Variants in HHAT observed in about 807,000 individuals in gnomAD.
HHAT encodes the protein hedgehog acyltransferase, also known as protein-cysteine N-palmitoyltransferase HHAT.
HHAT carries 47 observed loss-of-function variants against 70.8 expected under a neutral mutation model. That is an observed-to-expected ratio of 0.66 (90% confidence interval 0.53 to 0.85). The LOEUF (loss-of-function observed/expected upper bound fraction) is 0.85, where lower values mean the gene tolerates loss of function less well. HHAT is among the 40% of genes least tolerant of loss of function. The probability of loss-of-function intolerance (pLI) is 0.00; values close to 1 mark genes in which losing one functional copy is unlikely to be tolerated. For synonymous variants in HHAT, 228 were observed against 247.6 expected, an observed-to-expected ratio of 0.92 and a Z score of 0.74; for missense variants, 609 against 604.8, an observed-to-expected ratio of 1.01 and a Z score of -0.07.
chr1:210,554,342 T>G, intron 9 of HHAT, among the ~76,000 whole-genome samples: 1 of 152,192 alleles, frequency 6.6e-6, no homozygotes, highest in East Asian at 1.9e-4. Flanking sequence ...AACCTCAGTT[T>G]GCTGCTTTGT....
intron 11 of HHAT, among the ~76,000 whole-genome samples, chr1:210,643,021 G>C (rs1255578048): frequency 6.6e-6 from 1 of 151,956 alleles, no homozygotes; most frequent in African/African-American, 2.4e-5. Flanking sequence ...TATTAATTTT[G>C]TGTATAATGT....
At chr1:210,570,438 A>G (rs1655973563) in intron 9 of HHAT, among the ~76,000 whole-genome samples, 1 of 152,140 alleles carries the variant, frequency 6.6e-6, no homozygotes, top group Admixed American at 6.5e-5. Context: ...GACAATGTAC[A>G]GTGTAGCCCC....
chr1:210,329,481 A>G (rs139695529), intron 1 of HHAT: 3 of 1,023,792 alleles, frequency 2.9e-6, no homozygotes, highest in Non-Finnish European at 1.2e-6. Context: ...CAGGGACTCT[A>G]AAGTTAGAGA....
intron 7 of HHAT, among the ~76,000 whole-genome samples, chr1:210,458,084 A>G (rs527288645): frequency 6.6e-6 from 1 of 152,326 alleles, no homozygotes; most frequent in African/African-American, 2.4e-5. Flanking sequence ...TATGTAGAGA[A>G]GGTACTTTTG....
At chr1:210,489,768 C>G (rs576687027) in intron 8 of HHAT, among the ~76,000 whole-genome samples, 21 of 152,188 alleles carry the variant, frequency 1.4e-4, no homozygotes, top group Non-Finnish European at 2.5e-4. Context: ...CCTTCTTAAG[C>G]AGAGCACATA....
chr1:210,576,454 C>T (rs566755569), intron 9 of HHAT, among the ~76,000 whole-genome samples: 9 of 143,354 alleles, frequency 6.3e-5, no homozygotes, highest in African/African-American at 2.4e-4. Context: ...GTGTTAAGAA[C>T]ACTTAACATA....
At chr1:210,618,457 C>A (rs951104576) in intron 10 of HHAT, among the ~76,000 whole-genome samples, 4 of 152,162 alleles carry the variant, frequency 2.6e-5, no homozygotes, top group Non-Finnish European at 5.9e-5. Flanking sequence ...AGAACTGTGT[C>A]CAGCTGCTCA....
intron 10 of HHAT, among the ~76,000 whole-genome samples, chr1:210,596,026 G>T (rs1180721135): frequency 6.6e-6 from 1 of 152,284 alleles, no homozygotes; most frequent in South Asian, 2.1e-4. Flanking sequence ...TGGTGTTTTA[G>T]ACATGAAGTC....
At position 210,510,699 on chromosome 1, in the gene HHAT, T is replaced by C. The variant is rs529836966; in HGVS notation, c.1008-2454T>C. ...GTTTGATTTCCAGCTTTTTTTCTACTGGCTGTCAGCTCTGGGCATACCAGT... is the reference window on the plus strand; with the variant it reads ...GTTTGATTTCCAGCTTTTTTTCTACCGGCTGTCAGCTCTGGGCATACCAGT... On this transcript the variant is annotated intron_variant, in intron 8 of 11. Transcript: ENST00000261458. 3.9e-5 allele frequency among the ~76,000 whole-genome samples: 6 copies of C among 152,378 alleles called. No homozygotes were observed. The East Asian group carries it at 9.6e-4, about 24-fold the overall frequency.
chr1:210,573,306 C>T (rs1317551040), intron 9 of HHAT, among the ~76,000 whole-genome samples: 11 of 152,176 alleles, frequency 7.2e-5, no homozygotes, highest in Admixed American at 7.2e-4. Flanking sequence ...CTCTGCCCTG[C>T]TCTGTGCTCC....
intron 7 of HHAT, among the ~76,000 whole-genome samples, chr1:210,433,964 C>T (rs3765853): frequency 0.12 from 17,600 of 151,848 alleles, 1,324 homozygotes; most frequent in East Asian, 0.23. Flanking sequence ...GGCCCAGCAC[C>T]TGCATTAGAC....
At chr1:210,429,004 C>T (rs2093162715) in intron 7 of HHAT, among the ~76,000 whole-genome samples, 1 of 151,794 alleles carries the variant, frequency 6.6e-6, no homozygotes, top group Non-Finnish European at 1.5e-5. Context: ...ACCCACCTCG[C>T]TCCGGCAAAA....
chr1:210,404,037 A>G (rs987395457), intron 5 of HHAT, among the ~76,000 whole-genome samples: 3 of 152,060 alleles, frequency 2.0e-5, no homozygotes, highest in Non-Finnish European at 4.4e-5. Flanking sequence ...CGAAAAATAC[A>G]TTGAAGACAG....
intron 9 of HHAT, among the ~76,000 whole-genome samples, chr1:210,560,495 G>A (rs2095611399): frequency 6.6e-6 from 1 of 151,938 alleles, no homozygotes; most frequent in Non-Finnish European, 1.5e-5. Context: ...ACCTTGTAAA[G>A]GGATGACAGC....
At chr1:210,563,668 G>T (rs2095644068) in intron 9 of HHAT, among the ~76,000 whole-genome samples, 1 of 152,156 alleles carries the variant, frequency 6.6e-6, no homozygotes, top group African/African-American at 2.4e-5. Flanking sequence ...AGGTGTGAAG[G>T]AGAGAACTTG....
intron 1 of HHAT, among the ~76,000 whole-genome samples, chr1:210,338,058 G>A (rs1177235403): frequency 6.6e-6 from 1 of 152,144 alleles, no homozygotes; most frequent in African/African-American, 2.4e-5. Context: ...ACAGGCAGAG[G>A]ATCTGGGGAC....
chr1:210,420,673 AAC>A (rs1491163234), intron 7 of HHAT, among the ~76,000 whole-genome samples: 1 of 134,366 alleles, frequency 7.4e-6, no homozygotes, highest in Non-Finnish European at 1.7e-5. Flanking sequence ...AATTTAAAAA[AAC>A]AAAAAAAAAA....
At chr1:210,588,130 GA>G (rs1310930011) in intron 10 of HHAT, 31 bp downstream of exon 10, 1 of 1,540,388 alleles carries the variant, frequency 6.5e-7, no homozygotes, top group Middle Eastern at 1.7e-4. Flanking sequence ...TGTGTTAGGG[GA>G]CAGTGGAACT....
chr1:210,374,126 C>CT (rs1408997291), intron 3 of HHAT: 2 of 152,130 alleles, frequency 1.3e-5, no homozygotes, highest in African/African-American at 4.8e-5. Flanking sequence ...ATGTTTTCCT[C>CT]TTTAAGTCTT....
Sources: gnomAD v4.1 joint callset for allele counts (sites outside exome capture counted in the v4.1 genomes callset) on GRCh38, gnomAD v4.1.1 for gene constraint, MANE v1.5 for transcripts, NCBI Gene and HGNC (gene_info 2026-07-23, HGNC 2026-07-21) for gene names.